DPY19L3: variants seen among roughly 807,000 people sequenced by gnomAD.
DPY19L3 encodes protein C-mannosyl-transferase DPY19L3.
In DPY19L3, 51 loss-of-function variants were observed where a neutral mutation model predicts 92.3. That is an observed-to-expected ratio of 0.55 (90% CI 0.44 to 0.70). The LOEUF (loss-of-function observed/expected upper bound fraction) is 0.70, where lower values mean the gene tolerates loss of function less well. Among genes scored for constraint, DPY19L3 ranks in the 30% least tolerant of loss-of-function variants. DPY19L3 has a pLI of 0.00. For synonymous variants in DPY19L3, 309 were observed against 315.2 expected (o/e 0.98, Z 0.21); for missense variants, 706 against 855.9 (o/e 0.82, Z 2.18).
At chr19:32,417,656 A>G (rs1421537174) in intron 3 of DPY19L3, among the ~76,000 whole-genome samples, 2 of 152,134 alleles carry the variant, frequency 1.3e-5, no homozygotes, top group Admixed American at 1.3e-4. Flanking sequence ...TCCCCGTCAC[A>G]CACTGTCTGC....
chr19:32,465,351 A>G (rs958150521), intron 15 of DPY19L3, among the ~76,000 whole-genome samples: 2 of 152,220 alleles, frequency 1.3e-5, no homozygotes, highest in African/African-American at 2.4e-5. Flanking sequence ...ATTTCTTATC[A>G]GAGACAATGA....
intron 8 of DPY19L3, among the ~76,000 whole-genome samples, chr19:32,449,130 TA>T (rs1969613277): frequency 6.6e-6 from 1 of 152,080 alleles, no homozygotes; most frequent in Non-Finnish European, 1.5e-5. Context: ...AAACCATTTA[TA>T]AACCAATGAG....
At chr19:32,462,268 A>G (rs1348908265) in intron 12 of DPY19L3, among the ~76,000 whole-genome samples, 2 of 152,182 alleles carry the variant, frequency 1.3e-5, no homozygotes, top group Non-Finnish European at 2.9e-5. Flanking sequence ...AGGTGGGTAG[A>G]CTATACAGCG....
intron 3 of DPY19L3, among the ~76,000 whole-genome samples, chr19:32,428,990 G>A (rs2145462088): frequency 6.6e-6 from 1 of 152,234 alleles, no homozygotes; most frequent in East Asian, 1.9e-4. Flanking sequence ...TGGGATTACA[G>A]GCGCCTGCCA....
intron 12 of DPY19L3, among the ~76,000 whole-genome samples, chr19:32,462,611 A>G (rs968907972): frequency 9.9e-5 from 15 of 152,216 alleles, no homozygotes; most frequent in African/African-American, 3.4e-4. Flanking sequence ...CACCTGGGAG[A>G]CGGGAACAGC....
At chr19:32,441,604 T>C (rs957218718) in intron 8 of DPY19L3, among the ~76,000 whole-genome samples, 2 of 151,716 alleles carry the variant, frequency 1.3e-5, no homozygotes, top group Admixed American at 1.3e-4. Flanking sequence ...TTTAAGCAAT[T>C]CTCCTGCCTC....
intron 9 of DPY19L3, among the ~76,000 whole-genome samples, chr19:32,454,657 CCTCCTGTTT>C (rs1228396792): frequency 3.9e-5 from 6 of 152,278 alleles, no homozygotes; most frequent in Admixed American, 2.6e-4. Context: ...AGACCCCAAT[CCTCCTGTTT>C]CTAAGGTCTG....
chr19:32,453,380 A>T, intron 9 of DPY19L3, 104 bp downstream of exon 9: 1 of 1,220,160 alleles, frequency 8.2e-7, no homozygotes, highest in South Asian at 1.6e-5. Context: ...TTACAACCTG[A>T]TTTGCACTAA....
At position 32,458,375 on chromosome 19, in the gene DPY19L3, G is replaced by A. The variant is rs1377377940; in HGVS notation, c.1188G>A (p.Leu396=). 5 of 1,613,064 alleles carry A rather than the reference G, an allele frequency of 3.1e-6. No individual in the cohort carries two copies. Among genetic ancestry groups the A allele is most frequent in the Non-Finnish European group, 4.2e-6 (5 of 1,179,812 alleles). Residue 396 remains leucine, a synonymous_variant, in exon 12 of 19, where the codon CTG becomes CTA. Transcript: ENST00000392250. ...ATRDFDANLY[L]CEEAFGLLPF... is the part of the protein sequence containing the mutation. ...GGGATTTTGATGCAAATCTCTATCT[G>A]TGTGAAGAAGCTTTTGGCCTCCTGC...
chr19:32,462,028 A>T (rs1006361593), intron 12 of DPY19L3, among the ~76,000 whole-genome samples: 3 of 152,196 alleles, frequency 2.0e-5, no homozygotes, highest in African/African-American at 7.2e-5. Flanking sequence ...TTTCCTATAC[A>T]TATATCCCTG....
intron 5 of DPY19L3, 62 bp from the exon 6 acceptor site, chr19:32,437,132 A>C: frequency 1.3e-6 from 2 of 1,595,406 alleles, no homozygotes; most frequent in South Asian, 2.2e-5. Flanking sequence ...GTCATGTTTT[A>C]AATGGCACTG....
chr19:32,438,498 A>G (rs1404695756), intron 6 of DPY19L3, among the ~76,000 whole-genome samples: 1 of 152,086 alleles, frequency 6.6e-6, no homozygotes, highest in East Asian at 1.9e-4. Context: ...TGTTTCATAT[A>G]TATCTCTATC....
intron 16 of DPY19L3, among the ~76,000 whole-genome samples, chr19:32,475,954 T>C (rs1193973747): frequency 6.6e-6 from 1 of 152,260 alleles, no homozygotes; most frequent in East Asian, 1.9e-4. Context: ...TCATTATGTA[T>C]GCTCATTGTC....
chr19:32,407,268 C>CCT (rs1555714142), intron 1 of DPY19L3, among the ~76,000 whole-genome samples: 1 of 123,266 alleles, frequency 8.1e-6, no homozygotes, highest in African/African-American at 3.1e-5. Context: ...TCCTGCTCCC[C>CCT]CCCACCCATT....
At position 32,436,404 on chromosome 19, in the gene DPY19L3, T is replaced by C. The variant is rs1969139630; in HGVS notation, c.329-42T>C. The C allele has an allele frequency of 5.9e-6, 8 of 1,347,738 alleles. No homozygotes were observed. The Admixed American group carries it at 1.8e-4, about 31-fold the overall frequency. 83.5% of individuals were successfully genotyped at this position (1,347,738 alleles called of 1,614,324 possible). On this transcript the variant is annotated intron_variant, in intron 4 of 18. Transcript: ENST00000392250. ...ATAGTTTTGAATGAATGAATAATTA[T>C]GAGTGTAATTATTTTCTTCCTGACT...
chr19:32,408,624 G>T (rs938636359), intron 2 of DPY19L3, among the ~76,000 whole-genome samples: 3 of 151,990 alleles, frequency 2.0e-5, no homozygotes, highest in Non-Finnish European at 4.4e-5. Context: ...TAGAGTAATG[G>T]TCCCCCCACC....
At chr19:32,446,012 A>T (rs956510235) in intron 8 of DPY19L3, among the ~76,000 whole-genome samples, 3 of 152,142 alleles carry the variant, frequency 2.0e-5, no homozygotes, top group African/African-American at 7.2e-5. Flanking sequence ...AAAAAAAAAA[A>T]TTATATTTGA....
At chr19:32,472,504 T>C (rs1303500758) in intron 16 of DPY19L3, among the ~76,000 whole-genome samples, 3 of 150,600 alleles carry the variant, frequency 2.0e-5, no homozygotes, top group Non-Finnish European at 4.4e-5. Flanking sequence ...TGATAAGGTT[T>C]CCTGGATACA....
rs1280289251 is a variant in DPY19L3 at position 32,480,426 on chromosome 19, C to T, written c.1858C>T (p.Pro620Ser). The T allele has an allele frequency of 6.2e-7, 1 of 1,613,188 alleles. No individual in the cohort carries two copies. Among genetic ancestry groups the T allele is most frequent in the Non-Finnish European group, 8.5e-7 (1 of 1,179,724 alleles). The change falls in exon 18 of 19, where the codon CCA (proline) becomes TCA (serine). Residue 620 changes from proline to serine, a missense_variant. Physicochemically the swap from Pro to Ser is moderately conservative, Grantham distance 74. Transcript: ENST00000392250. ...TTATCAGATATATGCCAAGAGGGCA[C>T]CAGAGGAAGTGCATGCCCTCCTAAG... is the stretch of plus-strand genomic sequence containing the variant. ...AVYQIYAKRA[P>S]EEVHALLRSF... is the part of the protein sequence containing the mutation.
Sources: allele counts gnomAD v4.1 joint callset (sites outside exome capture counted in the v4.1 genomes callset), GRCh38; gene constraint gnomAD v4.1.1; transcripts MANE v1.5; gene names NCBI Gene and HGNC (gene_info 2026-07-23, HGNC 2026-07-21).